ENOX1: variants seen among roughly 807,000 people sequenced by gnomAD.
ENOX1 encodes candidate growth-related and time keeping constitutive hydroquinone (NADH) oxidase.
In ENOX1, 42 loss-of-function variants were observed where a neutral mutation model predicts 82.5. That is an observed-to-expected ratio of 0.51 (90% CI 0.40 to 0.66). The LOEUF is 0.66. Among genes scored for constraint, ENOX1 ranks in the 30% least tolerant of loss-of-function variants. ENOX1 has a pLI of 0.00. For synonymous variants in ENOX1, 271 were observed against 282.2 expected, an observed-to-expected ratio of 0.96 and a Z score of 0.40; for missense variants, 608 against 811.6, an observed-to-expected ratio of 0.75 and a Z score of 3.05.
chr13:43,590,373 A>T (rs1041930390), intron 2 of ENOX1, among the ~76,000 whole-genome samples: 1 of 152,208 alleles, frequency 6.6e-6, no homozygotes, highest in East Asian at 1.9e-4. Flanking sequence ...AATGAGAAGG[A>T]ACACATTACA....
At chr13:43,346,808 T>TGGG (rs1234616241) in intron 8 of ENOX1, among the ~76,000 whole-genome samples, 2 of 152,070 alleles carry the variant, frequency 1.3e-5, no homozygotes, top group Non-Finnish European at 2.9e-5. Flanking sequence ...TTCCCACCAA[T>TGGG]ATATGTTAGG....
At chr13:43,360,996 C>T (rs554551354) in intron 6 of ENOX1, among the ~76,000 whole-genome samples, 34 of 152,296 alleles carry the variant, frequency 2.2e-4, no homozygotes, top group African/African-American at 7.9e-4. Context: ...CTGTGTTCTC[C>T]GGCAAACACT....
chr13:43,643,650 C>T (rs546775707), intron 2 of ENOX1, among the ~76,000 whole-genome samples: 1,402 of 133,188 alleles, frequency 0.011, 30 homozygotes, highest in African/African-American at 0.035. Context: ...TATATATATA[C>T]ACACACATAT....
chr13:43,390,678 A>AC (rs2052719557), intron 5 of ENOX1, among the ~76,000 whole-genome samples: 1 of 152,178 alleles, frequency 6.6e-6, no homozygotes, highest in African/African-American at 2.4e-5. Flanking sequence ...CCAAAAGTGT[A>AC]CTGTCATATC....
At chr13:43,343,224 C>A (rs2049170621) in intron 9 of ENOX1, among the ~76,000 whole-genome samples, 1 of 152,216 alleles carries the variant, frequency 6.6e-6, no homozygotes, top group African/African-American at 2.4e-5. Context: ...TTCCCTCCAT[C>A]CACTGATCCA....
chr13:43,722,681 A>T (rs534815930), intron 1 of ENOX1, among the ~76,000 whole-genome samples: 3 of 152,270 alleles, frequency 2.0e-5, no homozygotes, highest in South Asian at 4.2e-4. Flanking sequence ...ACAAATCCAT[A>T]AAGTGGGTAA....
At chr13:43,252,732 G>A (rs1423031518) in intron 14 of ENOX1, among the ~76,000 whole-genome samples, 1 of 152,164 alleles carries the variant, frequency 6.6e-6, no homozygotes, top group Non-Finnish European at 1.5e-5. Context: ...TTGGAGGTTT[G>A]ATTTAAATGC....
chr13:43,259,943 A>G lies in ENOX1; in HGVS notation c.1611+5455T>C, dbSNP rs192300975. Among the ~76,000 whole-genome samples the G allele has an allele frequency of 4.6e-5, 7 of 152,302 alleles. No homozygotes were observed. The East Asian group carries it at 1.3e-3, about 29-fold the overall frequency. On this transcript the variant is annotated intron_variant, in intron 14 of 16. Coordinates refer to ENST00000690772, the MANE Select transcript of ENOX1 (RefSeq NM_001347969.2). ...AGCCTGAGTTGTTTTTTACCTTTAG[A>G]AGATACGGTCCCATTCTTTCGTACA...
At chr13:43,254,841 CA>C (rs1347704501) in intron 14 of ENOX1, among the ~76,000 whole-genome samples, 1 of 152,030 alleles carries the variant, frequency 6.6e-6, no homozygotes, top group Non-Finnish European at 1.5e-5. Context: ...ACCATGGAGA[CA>C]TAGAAAATCT....
At chr13:43,329,628 C>A (rs1461702291) in intron 9 of ENOX1, among the ~76,000 whole-genome samples, 1 of 152,070 alleles carries the variant, frequency 6.6e-6, no homozygotes, top group Non-Finnish European at 1.5e-5. Context: ...TTCTTGTATT[C>A]TTTTTCAATA....
chr13:43,420,428 T>C (rs2054904967), intron 3 of ENOX1, among the ~76,000 whole-genome samples: 1 of 152,222 alleles, frequency 6.6e-6, no homozygotes, highest in African/African-American at 2.4e-5. Flanking sequence ...CAAAGGACAT[T>C]CTCTGATTAT....
At chr13:43,448,217 C>G (rs2056764942) in intron 3 of ENOX1, among the ~76,000 whole-genome samples, 1 of 152,222 alleles carries the variant, frequency 6.6e-6, no homozygotes, top group African/African-American at 2.4e-5. Flanking sequence ...CAATTGCTTG[C>G]AAACTTTGCA....
chr13:43,692,131 G>A (rs549469363), intron 1 of ENOX1, among the ~76,000 whole-genome samples: 7 of 152,244 alleles, frequency 4.6e-5, no homozygotes, highest in Non-Finnish European at 7.4e-5. Flanking sequence ...GGAACAGAAT[G>A]GAGGAAAGAG....
chr13:43,763,198 G>A (rs1022239588), intron 1 of ENOX1, among the ~76,000 whole-genome samples: 18 of 152,214 alleles, frequency 1.2e-4, no homozygotes, highest in Non-Finnish European at 2.2e-4. Context: ...GGATATCATA[G>A]ATTAGGTGGC....
chr13:43,442,893 T>C (rs930078540), intron 3 of ENOX1, among the ~76,000 whole-genome samples: 1 of 152,212 alleles, frequency 6.6e-6, no homozygotes, highest in African/African-American at 2.4e-5. Flanking sequence ...AGAGGAGTTA[T>C]TAACTTTAGA....
rs138075999 is a variant in ENOX1, at chr13:43,528,757, C to T, written c.-218-44605G>A. 8.9e-3 allele frequency among the ~76,000 whole-genome samples: 1,354 copies of T among 152,130 alleles called. 10 individuals are homozygous for T. The highest frequency in any genetic ancestry group is 0.014 in the Non-Finnish European group (954 of 67,978). On this transcript the variant is annotated intron_variant, in intron 2 of 16. Transcript: ENST00000690772. ...GAGAATTTTAAAGTCTTGTGCTTCA[C>T]TGTATTACAGAATCCAGGGCGGCCA...
intron 15 of ENOX1, among the ~76,000 whole-genome samples, chr13:43,229,054 C>T (rs2153454982): frequency 6.6e-6 from 1 of 152,258 alleles, no homozygotes; most frequent in Non-Finnish European, 1.5e-5. Context: ...GGGCAGTTTC[C>T]CCATACTGTT....
At chr13:43,760,387 G>A (rs917604849) in intron 1 of ENOX1, among the ~76,000 whole-genome samples, 4 of 152,108 alleles carry the variant, frequency 2.6e-5, no homozygotes, top group African/African-American at 9.7e-5. Flanking sequence ...TTAGTACTAT[G>A]TATTTATACC....
At chr13:43,379,237 G>A (rs558950833) in intron 5 of ENOX1, among the ~76,000 whole-genome samples, 1 of 152,122 alleles carries the variant, frequency 6.6e-6, no homozygotes, top group East Asian at 1.9e-4. Context: ...CTAAGTTTGT[G>A]GCTACCTGTT....
Sources: allele counts gnomAD v4.1 joint callset (sites outside exome capture counted in the v4.1 genomes callset), GRCh38; gene constraint gnomAD v4.1.1; transcripts MANE v1.5; gene names NCBI Gene and HGNC (gene_info 2026-07-23, HGNC 2026-07-21).